CEACAM4: variants seen among roughly 807,000 people sequenced by gnomAD.
CEACAM4 encodes the protein CEA cell adhesion molecule 4.
In CEACAM4, 30 loss-of-function variants were observed where a neutral mutation model predicts 28.7. The ratio of observed to expected loss-of-function variants is 1.05; its 90% confidence interval spans 0.78 to 1.42. The LOEUF (loss-of-function observed/expected upper bound fraction) is 1.42, where lower values mean the gene tolerates loss of function less well. CEACAM4 is among the 40% of genes most tolerant of loss of function. The pLI is 0.00. For missense variants in CEACAM4, 330 were observed against 308.2 expected, an observed-to-expected ratio of 1.07 and a Z score of -0.53; for synonymous variants, 143 against 126.5, an observed-to-expected ratio of 1.13 and a Z score of -0.87.
At position 41,623,420 on chromosome 19, in the gene CEACAM4, T is replaced by G. The variant is rs1014315488; in HGVS notation, c.425-1652A>C. On this transcript the variant is annotated intron_variant, in intron 2 of 6. Coordinates refer to ENST00000221954, the MANE Select transcript of CEACAM4 (RefSeq NM_001817.4). ...TGCTTGTTCTGTCTTTCGAACTGCA[T>G]TTTTTTTTTTTTTTTTTTTTTTGCC... 6.1e-4 allele frequency among the ~76,000 whole-genome samples: 24 copies of G among 39,030 alleles called. No individual in the cohort carries two copies. In the African/African-American group the frequency reaches 0.011, roughly 17 times the overall value. The allele number at this position is 39,030 out of a possible 152,430, so 25.6% of individuals were successfully genotyped here.
downstream of CEACAM4, among the ~76,000 whole-genome samples, chr19:41,615,322 G>A (rs563569440): frequency 4.6e-5 from 7 of 152,086 alleles, no homozygotes; most frequent in East Asian, 1.4e-3. Flanking sequence ...GGAGCTGGTG[G>A]TCCAAGGCAG....
downstream of CEACAM4, among the ~76,000 whole-genome samples, chr19:41,617,003 T>C (rs1190052873): frequency 6.6e-6 from 1 of 152,224 alleles, no homozygotes; most frequent in Non-Finnish European, 1.5e-5. Flanking sequence ...TCGCAATTTA[T>C]GGATTAGAGA....
chr19:41,621,898 G>T, intron 2 of CEACAM4, 130 bp from the exon 3 acceptor site: 1 of 649,832 alleles, frequency 1.5e-6, no homozygotes, highest in East Asian at 2.6e-5. Context: ...GGTCTGTTGG[G>T]CTGTCCTCAT....
chr19:41,620,197 G>T lies in CEACAM4; in HGVS notation c.627+14C>A. On this transcript the variant is annotated intron_variant, in intron 5 of 6. Coordinates refer to ENST00000221954, the MANE Select transcript of CEACAM4 (RefSeq NM_001817.4). ...GACCCCAGTAGAAAAGGGCTGGGGA[G>T]GGAACAGGCTTACCGAGAAGGTGGA... 1 of 1,494,106 alleles carries T rather than the reference G, an allele frequency of 6.7e-7. No homozygotes were observed. The allele number at this position is 1,494,106 out of a possible 1,614,324, so 92.6% of individuals were successfully genotyped here. A position where few individuals can be genotyped will look rare whatever the true frequency, so the allele number is the denominator to read the frequency against.
At chr19:41,619,503 T>C in intron 6 of CEACAM4, 108 bp from the exon 7 acceptor site, 1 of 1,571,342 alleles carries the variant, frequency 6.4e-7, no homozygotes, top group South Asian at 1.2e-5. Flanking sequence ...TGAACCTGGC[T>C]GTGCTCAGGG....
At chr19:41,614,808 A>G (rs1555798620), downstream of CEACAM4, among the ~76,000 whole-genome samples, 2 of 152,120 alleles carry the variant, frequency 1.3e-5, no homozygotes, top group East Asian at 3.9e-4. Flanking sequence ...CACCACCTCC[A>G]TATGCAGGGT....
At chr19:41,615,153 G>A (rs904943932), downstream of CEACAM4, among the ~76,000 whole-genome samples, 1 of 152,054 alleles carries the variant, frequency 6.6e-6, no homozygotes, top group Admixed American at 6.5e-5. Flanking sequence ...GCTGGGCGGT[G>A]AACAGAGGTG....
chr19:41,621,891 C>T lies in CEACAM4; in HGVS notation c.425-123G>A, dbSNP rs901626563. ...AAATGCTCCAGAGCCTGAGTGTGGT[C>T]TGTTGGGCTGTCCTCATAGCTGACT... On this transcript the variant is annotated intron_variant, in intron 2 of 6. Transcript: ENST00000221954. 8.3e-5 allele frequency: 55 copies of T among 663,904 alleles called. 1 individual carries two copies. Among genetic ancestry groups the T allele is most frequent in the Middle Eastern group, 5.9e-4 (2 of 3,402 alleles). 41.1% of individuals were successfully genotyped at this position (663,904 alleles called of 1,614,324 possible).
intron 1 of CEACAM4, 118 bp downstream of exon 1, chr19:41,626,781 TC>T: frequency 1.3e-6 from 1 of 757,156 alleles, no homozygotes. Flanking sequence ...AGGCCCTCAG[TC>T]CCCTCTCAGA....
chr19:41,622,836 G>A (rs916185189), intron 2 of CEACAM4, among the ~76,000 whole-genome samples: 2 of 140,070 alleles, frequency 1.4e-5, no homozygotes, highest in Admixed American at 1.4e-4. Flanking sequence ...TTGATCTCTA[G>A]CATATATATA....
Position 41,621,658 on chromosome 19 carries a change from T to G in CEACAM4, c.535A>C (p.Thr179Pro), listed in dbSNP as rs1419126088. ...ALVCFLLLSR[T>P]GRASIQRDLR... ...GGGGAAAAGCTGCGGTACCTTCCAG[T>G]CCTGGAGAGAAGCAGAAAACACACC... Residue 179 changes from threonine to proline, a missense_variant, in exon 3 of 7, where the codon ACT becomes CCT. Coordinates refer to ENST00000221954, the MANE Select transcript of CEACAM4 (RefSeq NM_001817.4). 4.4e-6 allele frequency: 7 copies of G among 1,589,956 alleles called. No homozygotes were observed. Among genetic ancestry groups the G allele is most frequent in the Non-Finnish European group, 6.0e-6 (7 of 1,158,558 alleles).
intron 2 of CEACAM4, among the ~76,000 whole-genome samples, chr19:41,623,789 C>T (rs572060916): frequency 2.6e-5 from 4 of 152,154 alleles, no homozygotes; most frequent in Admixed American, 1.3e-4. Context: ...AGAACAGATG[C>T]TCTGGCATAT....
chr19:41,615,170 G>C (rs779993253), downstream of CEACAM4, among the ~76,000 whole-genome samples: 1 of 152,202 alleles, frequency 6.6e-6, no homozygotes, highest in Admixed American at 6.5e-5. Context: ...GGTGTGTTAT[G>C]TGTGTCTGTC....
chr19:41,624,060 GGTGTGGCC>G (rs2071484059), intron 2 of CEACAM4, among the ~76,000 whole-genome samples: 1 of 152,138 alleles, frequency 6.6e-6, no homozygotes, highest in African/African-American at 2.4e-5. Context: ...ACAGAAAACA[GGTGTGGCC>G]AGAACCTCCT....
rs1013827718 is a variant in CEACAM4 at position 41,619,692 on chromosome 19, C to T, written c.647G>A (p.Arg216Lys). The change falls in exon 6 of 7, where the codon AGA becomes AAA. Residue 216 changes from arginine (R) to lysine (K), a missense_variant. By Grantham distance (26) the Arg-to-Lys change is conservative. Transcript: ENST00000221954. ...STFSAPLPSP[R>K]TATPIYEELL... Reference sequence around the variant, plus strand: ...CACCTCATAGATGGGAGTGGCTGTTCTGGGGCTGGGTAGAGGGGCCTGGGC... The same window carrying T: ...CACCTCATAGATGGGAGTGGCTGTTTTGGGGCTGGGTAGAGGGGCCTGGGC... The T allele has an allele frequency of 2.7e-5, 43 of 1,591,506 alleles. No homozygotes were observed. Among genetic ancestry groups the T allele is most frequent in the Non-Finnish European group, 3.3e-5 (38 of 1,167,878 alleles).
At chr19:41,620,282 G>T in intron 4 of CEACAM4, 40 bp from the exon 5 acceptor site, 2 of 1,432,336 alleles carry the variant, frequency 1.4e-6, no homozygotes, top group Non-Finnish European at 1.8e-6. Flanking sequence ...GGTGGGAGGA[G>T]AGCCTGGGCC....
chr19:41,619,309 A>G lies in CEACAM4; in HGVS notation c.*21T>C. ...CTTCGGGGACGCTCCATCAACCCAC[A>G]AGAGCAGCTCCCAGAGGAACCTAAG... On this transcript the variant is annotated 3_prime_UTR_variant, in exon 7 of 7. Coordinates refer to ENST00000221954, the MANE Select transcript of CEACAM4 (RefSeq NM_001817.4). 1.2e-6 allele frequency: 2 copies of G among 1,609,542 alleles called. No homozygotes were observed. The highest frequency in any genetic ancestry group is 1.3e-5 in the African/African-American group (1 of 74,938).
At chr19:41,616,322 G>A (rs1436294057), downstream of CEACAM4, among the ~76,000 whole-genome samples, 1 of 152,178 alleles carries the variant, frequency 6.6e-6, no homozygotes, top group Non-Finnish European at 1.5e-5. Flanking sequence ...GTGAGCCACT[G>A]CTCTCGGCCG....
rs1157502543 is a variant in CEACAM4 at position 41,620,382 on chromosome 19, G to A, written c.596-140C>T. 35 of 920,306 alleles carry A rather than the reference G, an allele frequency of 3.8e-5. No homozygotes were observed. The Admixed American group carries it at 5.1e-4, about 13-fold the overall frequency. The allele number at this position is 920,306 out of a possible 1,614,324, so 57.0% of individuals were successfully genotyped here. On this transcript the variant is annotated intron_variant, in intron 4 of 6. Coordinates refer to ENST00000221954, the MANE Select transcript of CEACAM4 (RefSeq NM_001817.4). ...AGGGGAGACCTGAGCAGCTGAGGTCGAGGAGGTGACCCACGACCCAGAGCC... is the reference window on the plus strand; with the variant it reads ...AGGGGAGACCTGAGCAGCTGAGGTCAAGGAGGTGACCCACGACCCAGAGCC...
Sources: allele counts gnomAD v4.1 joint callset (sites outside exome capture counted in the v4.1 genomes callset), GRCh38; gene constraint gnomAD v4.1.1; transcripts MANE v1.5; gene names NCBI Gene and HGNC (gene_info 2026-07-23, HGNC 2026-07-21).